WDFY4: variants seen among roughly 807,000 people sequenced by gnomAD.
WDFY4 encodes the protein WD repeat- and FYVE domain-containing protein 4.
Under a neutral mutation model 351.9 loss-of-function variants are expected in WDFY4, and 169 were observed. The observed-to-expected ratio is 0.48, with a 90% CI of 0.42 to 0.55. The LOEUF (loss-of-function observed/expected upper bound fraction) is 0.55, where lower values mean the gene tolerates loss of function less well. Ranked by LOEUF, WDFY4 falls within the 20% of genes least tolerant of loss-of-function variation. The pLI is 0.00. For synonymous variants in WDFY4, 1,622 were observed against 1,574.6 expected, an observed-to-expected ratio of 1.03 and a Z score of -0.71; for missense variants, 3,803 against 3,935.6, an observed-to-expected ratio of 0.97 and a Z score of 0.90.
At position 48,720,117 on chromosome 10, in the gene WDFY4, A is replaced by G. The variant is rs2064031778; in HGVS notation, c.341A>G (p.Lys114Arg). ...CAACTCCAGAAGGCCCTTGTGGGGAAGCCTGCGGGTAAGAGCATGGAGGTG... is the reference window on the plus strand; with the variant it reads ...CAACTCCAGAAGGCCCTTGTGGGGAGGCCTGCGGGTAAGAGCATGGAGGTG... ...AQQLQKALVG[K>R]PAEQARLAAG... The change falls in exon 3 of 62, where the codon AAG becomes AGG. Residue 114 changes from lysine (K) to arginine (R), a missense_variant. Lys to Arg is a conservative substitution (Grantham distance 26, BLOSUM62 2). This residue lies in a region of WDFY4 where 488 missense variants were observed against 456.8 expected (regional missense o/e 1.07). Transcript: ENST00000325239. 1.3e-6 allele frequency: 2 copies of G among 1,551,726 alleles called. No homozygotes were observed. Among genetic ancestry groups the G allele is most frequent in the Non-Finnish European group, 1.7e-6 (2 of 1,146,960 alleles).
intron 47 of WDFY4, among the ~76,000 whole-genome samples, chr10:48,902,835 C>T (rs529090167): frequency 3.3e-5 from 5 of 152,068 alleles, no homozygotes; most frequent in East Asian, 1.9e-4. Context: ...CTTGGCCGGG[C>T]GTGGTGGCTC....
chr10:48,800,215 G>A (rs2067019139), intron 24 of WDFY4, among the ~76,000 whole-genome samples: 1 of 152,170 alleles, frequency 6.6e-6, no homozygotes. Context: ...AGAGACTTAA[G>A]TCTGTTTGTA....
At chr10:48,829,402 G>C (rs970696695) in intron 37 of WDFY4, among the ~76,000 whole-genome samples, 2 of 152,212 alleles carry the variant, frequency 1.3e-5, no homozygotes, top group African/African-American at 2.4e-5. Flanking sequence ...CTCAAATCAA[G>C]TTAAAGGGAT....
chr10:48,899,370 T>C (rs1837243681), intron 45 of WDFY4, among the ~76,000 whole-genome samples: 1 of 152,230 alleles, frequency 6.6e-6, no homozygotes, highest in African/African-American at 2.4e-5. Flanking sequence ...ACCTTCTCTC[T>C]GCTCAGGAGA....
intron 24 of WDFY4, among the ~76,000 whole-genome samples, chr10:48,802,096 C>T (rs977116607): frequency 7.2e-5 from 11 of 151,850 alleles, no homozygotes; most frequent in African/African-American, 1.9e-4. Context: ...GATAATAGGC[C>T]GGGTACGGTG....
At chr10:48,932,399 C>T (rs995411878) in intron 47 of WDFY4, 1 of 152,186 alleles carries the variant, frequency 6.6e-6, no homozygotes, top group Non-Finnish European at 1.5e-5. Context: ...CAAGCACTGA[C>T]AAATTATTAA....
At chr10:48,739,747 C>G (rs2064792754) in intron 11 of WDFY4, among the ~76,000 whole-genome samples, 1 of 152,128 alleles carries the variant, frequency 6.6e-6, no homozygotes, top group Non-Finnish European at 1.5e-5. Flanking sequence ...CCATTCCTTC[C>G]TCCTCTCCCT....
chr10:48,966,869 C>G, intron 55 of WDFY4, 196 bp downstream of exon 55: 1 of 713,910 alleles, frequency 1.4e-6, no homozygotes, highest in Non-Finnish European at 2.2e-6. Context: ...CTCTGTTAGA[C>G]CCTAACTTCT....
chr10:48,802,034 A>C (rs2067104394), intron 24 of WDFY4, among the ~76,000 whole-genome samples: 1 of 152,086 alleles, frequency 6.6e-6, no homozygotes, highest in African/African-American at 2.4e-5. Context: ...GTCTGGTGCC[A>C]GAAAAGTTAC....
chr10:48,727,472 A>C lies in WDFY4; in HGVS notation c.784A>C (p.Thr262Pro). 3.2e-6 allele frequency: 5 copies of C among 1,551,612 alleles called. No homozygotes were observed. The highest frequency in any genetic ancestry group is 4.4e-6 in the Non-Finnish European group (5 of 1,146,932). Residue 262 changes from threonine (T) to proline (P), a missense_variant and splice_region_variant, in exon 7 of 62, where the codon ACA becomes CCA. Transcript: ENST00000325239. ...NLSIIQYLQA[T>P]DCVRLSLQNL... ...TCTCCTGTGCTTCCCTCCTGCAGCC[A>C]CAGACTGTGTCAGGCTCTCCCTCCA...
intron 47 of WDFY4, among the ~76,000 whole-genome samples, chr10:48,918,155 A>C (rs1838721802): frequency 1.3e-5 from 2 of 152,220 alleles, no homozygotes; most frequent in South Asian, 4.1e-4. Flanking sequence ...CAAATAATAC[A>C]AAGAAGGCAG....
chr10:48,968,144 T>A (rs1456315244), intron 55 of WDFY4: 1 of 152,260 alleles, frequency 6.6e-6, no homozygotes, highest in Non-Finnish European at 1.5e-5. Context: ...AGGCTCAGTT[T>A]CTTCATGTGT....
chr10:48,942,295 T>A (rs542568116), intron 48 of WDFY4, among the ~76,000 whole-genome samples: 5 of 152,206 alleles, frequency 3.3e-5, no homozygotes, highest in Non-Finnish European at 5.9e-5. Flanking sequence ...TACCAAAATG[T>A]CTCAGACATT....
chr10:48,918,120 A>G (rs1421533844), intron 47 of WDFY4, among the ~76,000 whole-genome samples: 1 of 152,226 alleles, frequency 6.6e-6, no homozygotes, highest in African/African-American at 2.4e-5. Flanking sequence ...AAATATATAA[A>G]TGAGAATAAA....
intron 39 of WDFY4, among the ~76,000 whole-genome samples, chr10:48,841,957 T>C (rs553136329): frequency 6.6e-6 from 1 of 152,274 alleles, no homozygotes; most frequent in African/African-American, 2.4e-5. Flanking sequence ...GTGGATGTGA[T>C]GTCCACTCTG....
At chr10:48,955,569 A>G (rs943049425) in intron 51 of WDFY4, among the ~76,000 whole-genome samples, 2 of 152,172 alleles carry the variant, frequency 1.3e-5, no homozygotes, top group African/African-American at 2.4e-5. Context: ...AGTTGCATCC[A>G]TGGGTTTGCC....
chr10:48,691,709 C>T (rs766111067), intron 1 of WDFY4, among the ~76,000 whole-genome samples: 1 of 152,168 alleles, frequency 6.6e-6, no homozygotes, highest in Admixed American at 6.5e-5. Context: ...TTCTCAGTAG[C>T]GCTCTAATAT....
At chr10:48,933,897 G>C (rs908018770) in intron 47 of WDFY4, among the ~76,000 whole-genome samples, 8 of 152,004 alleles carry the variant, frequency 5.3e-5, no homozygotes, top group Non-Finnish European at 1.2e-4. Flanking sequence ...CTTGATACTG[G>C]GTAACAGTGA....
intron 2 of WDFY4, among the ~76,000 whole-genome samples, chr10:48,715,453 T>C (rs1036801291): frequency 9.2e-5 from 14 of 152,180 alleles, no homozygotes; most frequent in African/African-American, 3.4e-4. Flanking sequence ...TTTTGGTGTT[T>C]GTGTGTGTGC....
Sources: allele counts gnomAD v4.1 joint callset (sites outside exome capture counted in the v4.1 genomes callset), GRCh38; gene constraint gnomAD v4.1.1; regional missense constraint gnomAD v4.1.1; transcripts MANE v1.5; gene names NCBI Gene and HGNC (gene_info 2026-07-23, HGNC 2026-07-21).